The following SCAI variants were observed in gnomAD, a reference collection of about 807,000 sequenced individuals.
SCAI encodes the protein suppressor of cancer cell invasion.
Under a neutral mutation model 92.2 loss-of-function variants are expected in SCAI, and 24 were observed. That is an observed-to-expected ratio of 0.26 (90% CI 0.19 to 0.37). The LOEUF is 0.37. SCAI is among the 10% of genes least tolerant of loss of function. SCAI has a pLI of 1.00. For synonymous variants in SCAI, 261 were observed against 258.6 expected (o/e 1.01, Z -0.09); for missense variants, 450 against 736.2 (o/e 0.61, Z 4.50).
chr9:125,116,053 C>A (rs1031923767), intron 2 of SCAI, among the ~76,000 whole-genome samples: 4 of 152,038 alleles, frequency 2.6e-5, no homozygotes, highest in East Asian at 1.9e-4. Context: ...ATTAGCCGAG[C>A]ATGGTGGCAC....
intron 14 of SCAI, among the ~76,000 whole-genome samples, chr9:124,991,136 T>C (rs1832111790): frequency 6.6e-6 from 1 of 152,090 alleles, no homozygotes; most frequent in African/African-American, 2.4e-5. Flanking sequence ...GTGGATCACC[T>C]GAGGTTGGGA....
chr9:125,005,726 CT>C (rs1832492331), intron 9 of SCAI, among the ~76,000 whole-genome samples: 1 of 152,158 alleles, frequency 6.6e-6, no homozygotes, highest in Admixed American at 6.5e-5. Context: ...GGCCTCCTGG[CT>C]AAGAACTGGT....
At chr9:125,054,791 A>G (rs958702777) in intron 3 of SCAI, among the ~76,000 whole-genome samples, 11 of 152,256 alleles carry the variant, frequency 7.2e-5, no homozygotes, top group African/African-American at 2.7e-4. Flanking sequence ...GGAATCTTCC[A>G]TTTAACAAAT....
rs2131632179 is a variant in SCAI, at chr9:125,002,028, T to A, written c.1081A>T (p.Ser361Cys). The A allele has an allele frequency of 6.2e-7, 1 of 1,612,906 alleles. No individual in the cohort carries two copies. The highest frequency in any genetic ancestry group is 8.5e-7 in the Non-Finnish European group (1 of 1,178,870). The change falls in exon 12 of 18, where the codon AGC (serine) becomes TGC (cysteine). Residue 361 changes from serine (S) to cysteine (C), a missense_variant. Transcript: ENST00000336505. ...GCCGACAGGTAAATCAGAAGCACGC[T>A]ATTGGCAGGCAGCTCCTGAAATGAA... The part of the protein sequence containing the change: ...AASFKELPAN[S>C]VLLIYLSATG...
intron 4 of SCAI, 67 bp downstream of exon 4, chr9:125,029,577 T>C: frequency 3.5e-6 from 3 of 850,852 alleles, no homozygotes; most frequent in Admixed American, 4.7e-5. Flanking sequence ...ACTGAAGTAG[T>C]GAAGATAAAA....
intron 2 of SCAI, among the ~76,000 whole-genome samples, chr9:125,088,111 T>TG (rs1461316939): frequency 2.6e-5 from 4 of 152,190 alleles, no homozygotes; most frequent in Admixed American, 2.6e-4. Flanking sequence ...TGTTTTGTTT[T>TG]TTTTGAGACA....
intron 13 of SCAI, among the ~76,000 whole-genome samples, chr9:124,999,030 T>C (rs1036259501): frequency 1.1e-4 from 16 of 151,992 alleles, no homozygotes; most frequent in African/African-American, 3.6e-4. Context: ...ATTACAAATA[T>C]AGAAACATCA....
chr9:125,071,821 G>A (rs769264344), intron 2 of SCAI, among the ~76,000 whole-genome samples: 2 of 152,190 alleles, frequency 1.3e-5, no homozygotes, highest in Non-Finnish European at 2.9e-5. Flanking sequence ...GGCTCCGCTT[G>A]CTGTATTCTG....
chr9:124,980,848 AG>A (rs1271926259), intron 14 of SCAI, among the ~76,000 whole-genome samples: 1 of 152,198 alleles, frequency 6.6e-6, no homozygotes, highest in African/African-American at 2.4e-5. Context: ...GAATCTTCCT[AG>A]GAAATCACTG....
At chr9:125,131,180 TG>T (rs1835392526) in intron 2 of SCAI, among the ~76,000 whole-genome samples, 1 of 150,820 alleles carries the variant, frequency 6.6e-6, no homozygotes, top group Non-Finnish European at 1.5e-5. Context: ...CCGAGGCGGG[TG>T]GATCACCTAA....
At chr9:124,998,848 C>A (rs1488288856) in intron 13 of SCAI, among the ~76,000 whole-genome samples, 1 of 151,918 alleles carries the variant, frequency 6.6e-6, no homozygotes, top group African/African-American at 2.4e-5. Context: ...AAACTCCTGA[C>A]CTCAAGTGAT....
In SCAI at chr9:124,952,590, A is replaced by C. The variant is rs1831248615; in HGVS notation, c.*217T>G. On this transcript the variant is annotated 3_prime_UTR_variant, in exon 18 of 18. Coordinates refer to ENST00000336505, the MANE Select transcript of SCAI (RefSeq NM_001144877.3). Reference sequence around the variant, plus strand: ...ATCCATCCCTCAAAATCAAAAAATAAAAATTCCAAGGTTAAGATTTTAAAA... The same window carrying C: ...ATCCATCCCTCAAAATCAAAAAATACAAATTCCAAGGTTAAGATTTTAAAA... 1 of 427,052 alleles carries C rather than the reference A, an allele frequency of 2.3e-6. No homozygotes were observed. Among genetic ancestry groups the C allele is most frequent in the Non-Finnish European group, 4.1e-6 (1 of 244,236 alleles). The allele number at this position is 427,052 out of a possible 1,614,324, so 26.5% of individuals were successfully genotyped here.
chr9:125,096,439 T>G (rs1046064996), intron 2 of SCAI, among the ~76,000 whole-genome samples: 3 of 152,196 alleles, frequency 2.0e-5, no homozygotes. Flanking sequence ...GGATGGTCCT[T>G]AGCAATTACT....
chr9:125,000,066 T>A (rs574023150), intron 12 of SCAI, 76 bp from the exon 13 acceptor site: 107 of 605,134 alleles, frequency 1.8e-4, no homozygotes, highest in Middle Eastern at 7.8e-4. Context: ...ACAAAGGTAC[T>A]GTGTGAATCT....
rs527879118 is a variant in SCAI at position 124,951,020 on chromosome 9, T to G, written c.*1787A>C. ...CTGCAGTGAGCCATGAATGTACCGCTGCACCCCAACCTGGGCAACAAAGCA... is the reference window on the plus strand; with the variant it reads ...CTGCAGTGAGCCATGAATGTACCGCGGCACCCCAACCTGGGCAACAAAGCA... On this transcript the variant is annotated 3_prime_UTR_variant, in exon 18 of 18. Coordinates refer to ENST00000336505, the MANE Select transcript of SCAI (RefSeq NM_001144877.3). 2 of 144,072 alleles carry G rather than the reference T, an allele frequency of 1.4e-5. No individual in the cohort carries two copies. Among genetic ancestry groups the G allele is most frequent in the African/African-American group, 5.2e-5 (2 of 38,342 alleles). 8.9% of individuals were successfully genotyped at this position (144,072 alleles called of 1,614,324 possible). A position where few individuals can be genotyped will look rare whatever the true frequency, so the allele number is the denominator to read the frequency against.
chr9:124,965,002 G>GT (rs200998683), intron 17 of SCAI, among the ~76,000 whole-genome samples: 77,877 of 144,760 alleles, frequency 0.54, 21,281 homozygotes, highest in South Asian at 0.58. Context: ...TTTGTGGCAG[G>GT]TTTTTTTTTT....
At chr9:125,107,341 G>T (rs987782101) in intron 2 of SCAI, among the ~76,000 whole-genome samples, 1 of 151,344 alleles carries the variant, frequency 6.6e-6, no homozygotes, top group African/African-American at 2.4e-5. Context: ...CCCAGGAGGC[G>T]GAGGTTGCAG....
intron 2 of SCAI, among the ~76,000 whole-genome samples, chr9:125,099,048 T>G (rs1834623940): frequency 6.6e-6 from 1 of 152,234 alleles, no homozygotes; most frequent in African/African-American, 2.4e-5. Context: ...AAAACAGATT[T>G]ACTTGTAGGG....
chr9:125,098,816 A>G (rs969679121), intron 2 of SCAI, among the ~76,000 whole-genome samples: 1 of 152,206 alleles, frequency 6.6e-6, no homozygotes, highest in Non-Finnish European at 1.5e-5. Context: ...TACTCAGGCT[A>G]GTACTGGAGA....
Sources: allele counts gnomAD v4.1 joint callset (sites outside exome capture counted in the v4.1 genomes callset), GRCh38; gene constraint gnomAD v4.1.1; transcripts MANE v1.5; gene names NCBI Gene and HGNC (gene_info 2026-07-23, HGNC 2026-07-21).